The following PPP1R21 variants were observed in gnomAD, a reference collection of about 807,000 sequenced individuals.
The protein encoded by PPP1R21 is KLRAQ motif containing 1.
In PPP1R21, 85 loss-of-function variants were observed where a neutral mutation model predicts 112.8. The ratio of observed to expected loss-of-function variants is 0.75; its 90% CI spans 0.63 to 0.90. The LOEUF (loss-of-function observed/expected upper bound fraction) is 0.90. Ranked by LOEUF, PPP1R21 falls within the 40% of genes least tolerant of loss-of-function variation. The pLI is 0.00. For missense variants in PPP1R21, 1,199 were observed against 901.5 expected, an observed-to-expected ratio of 1.33 and a Z score of -4.23; for synonymous variants, 381 against 322.3, an observed-to-expected ratio of 1.18 and a Z score of -1.95.
rs1669954986 is a variant in PPP1R21 at position 48,498,566 on chromosome 2, C to G, written c.1766C>G (p.Ala589Gly). 6.2e-7 allele frequency: 1 copy of G among 1,614,016 alleles called. No homozygotes were observed. Among genetic ancestry groups the G allele is most frequent in the African/African-American group, 1.3e-5 (1 of 74,900 alleles). Residue 589 changes from alanine (A) to glycine (G), a missense_variant, in exon 17 of 22, where the codon GCC becomes GGC. By Grantham distance (60) the Ala-to-Gly change is moderately conservative. Coordinates refer to ENST00000294952, the MANE Select transcript of PPP1R21 (RefSeq NM_001135629.3). ...CATTGGATGTTGGAAGCACAATTAG[C>G]CAAAATCAAGCTAGAGAAAGAAAAC... ...KEHWMLEAQL[A>G]KIKLEKENQR...
At position 48,460,172 on chromosome 2, in the gene PPP1R21, T is replaced by G. The variant is rs372450431; in HGVS notation, c.599+19T>G. 4 of 1,613,492 alleles carry G rather than the reference T, an allele frequency of 2.5e-6. No homozygotes were observed. The African/African-American group carries it at 5.3e-5, about 22-fold the overall frequency. ...AAGAATGGTATGTGGAAACTTGAAT[T>G]CCAAGAGGGTTCTGAAGCAAGACTC... On this transcript the variant is annotated intron_variant, in intron 6 of 21. Transcript: ENST00000294952.
intron 9 of PPP1R21, 135 bp downstream of exon 9, chr2:48,465,777 C>A: frequency 1.5e-6 from 1 of 669,028 alleles, no homozygotes; most frequent in Non-Finnish European, 2.3e-6. Context: ...AGTTTTTACT[C>A]TCAAAATAAA....
intron 19 of PPP1R21, among the ~76,000 whole-genome samples, chr2:48,508,288 C>A (rs1322480272): frequency 1.3e-5 from 2 of 152,016 alleles, no homozygotes; most frequent in Non-Finnish European, 2.9e-5. Flanking sequence ...TTATGGATGG[C>A]AGATAGATGA....
In PPP1R21 at chr2:48,459,910, A is replaced by G; in HGVS notation, c.532A>G (p.Lys178Glu). ...TIEKLQNDKA[K>E]LEVKSQTLEK... ...TGAGAAGCTGCAGAACGACAAGGCT[A>G]AACTAGAAGTAAGCCCCATTGTGAG... The change falls in exon 5 of 22, where the codon AAA becomes GAA. Residue 178 changes from lysine (K) to glutamate (E), a missense_variant. Transcript: ENST00000294952. 6.2e-7 allele frequency: 1 copy of G among 1,613,654 alleles called. No individual in the cohort carries two copies. Among genetic ancestry groups the G allele is most frequent in the South Asian group, 1.1e-5 (1 of 90,984 alleles).
chr2:48,478,792 T>C (rs72872748), intron 12 of PPP1R21, among the ~76,000 whole-genome samples: 2,476 of 152,312 alleles, frequency 0.016, 77 homozygotes, highest in African/African-American at 0.057. Flanking sequence ...TTCTTCTTCA[T>C]TGCTTTTACC....
At chr2:48,475,623 A>T (rs1364513421) in intron 12 of PPP1R21, among the ~76,000 whole-genome samples, 1 of 152,088 alleles carries the variant, frequency 6.6e-6, no homozygotes, top group Non-Finnish European at 1.5e-5. Flanking sequence ...TGAGGTGGGC[A>T]GATCACCTGA....
At chr2:48,471,620 C>T (rs1668498876) in intron 11 of PPP1R21, among the ~76,000 whole-genome samples, 1 of 152,164 alleles carries the variant, frequency 6.6e-6, no homozygotes, top group East Asian at 1.9e-4. Context: ...CATCCCTTTG[C>T]AGTTAACACC....
chr2:48,493,154 C>T (rs576969755), intron 15 of PPP1R21, among the ~76,000 whole-genome samples: 58 of 151,688 alleles, frequency 3.8e-4, no homozygotes, highest in East Asian at 7.8e-4. Context: ...TACAGGTGCC[C>T]GCCACCACAC....
intron 18 of PPP1R21, among the ~76,000 whole-genome samples, chr2:48,506,359 G>C (rs908231489): frequency 2.0e-5 from 3 of 152,162 alleles, no homozygotes; most frequent in Non-Finnish European, 4.4e-5. Context: ...CTCCCAAAGT[G>C]CTGGGATTAC....
chr2:48,501,311 C>G (rs1670100546), intron 17 of PPP1R21, among the ~76,000 whole-genome samples: 1 of 152,202 alleles, frequency 6.6e-6, no homozygotes, highest in Non-Finnish European at 1.5e-5. Context: ...CTCCCCAGCT[C>G]CATTGCCTGT....
In PPP1R21 at chr2:48,498,742, GTCT is replaced by G; in HGVS notation, c.1935+12_1935+14del. On this transcript the variant is annotated splice_region_variant and intron_variant, in intron 17 of 21. Coordinates refer to ENST00000294952, the MANE Select transcript of PPP1R21 (RefSeq NM_001135629.3). ...CATTCAGAGCACCAGTCTAGTAAGT[GTCT>G]TCTTGGTTGTCCTCAGTTTTCTTTT... is the stretch of plus-strand genomic sequence containing the variant. 6.2e-7 allele frequency: 1 copy of G among 1,611,936 alleles called. No homozygotes were observed. The highest frequency in any genetic ancestry group is 1.1e-5 in the South Asian group (1 of 90,820).
At chr2:48,448,796 A>G (rs901411494) in intron 1 of PPP1R21, among the ~76,000 whole-genome samples, 1 of 152,250 alleles carries the variant, frequency 6.6e-6, no homozygotes, top group African/African-American at 2.4e-5. Flanking sequence ...CTTCTAGAGC[A>G]GAGTTTACCA....
At chr2:48,474,878 A>C (rs1668682099) in intron 12 of PPP1R21, 59 bp downstream of exon 12, 6 of 1,474,958 alleles carry the variant, frequency 4.1e-6, no homozygotes, top group Non-Finnish European at 5.6e-6. Flanking sequence ...AAGAAGCTGG[A>C]AAAGGGAGAT....
At chr2:48,477,830 A>G (rs1668827203) in intron 12 of PPP1R21, among the ~76,000 whole-genome samples, 1 of 152,094 alleles carries the variant, frequency 6.6e-6, no homozygotes, top group South Asian at 2.1e-4. Context: ...TGTGAGTTGA[A>G]TTGTGTCCCC....
At chr2:48,465,433 A>G in intron 8 of PPP1R21, 60 bp from the exon 9 acceptor site, 1 of 1,474,668 alleles carries the variant, frequency 6.8e-7, no homozygotes, top group East Asian at 2.3e-5. Flanking sequence ...AGACTCAATA[A>G]AGTTCTTTTA....
intron 14 of PPP1R21, among the ~76,000 whole-genome samples, chr2:48,488,779 T>C (rs1669427520): frequency 6.6e-6 from 1 of 152,248 alleles, no homozygotes; most frequent in Non-Finnish European, 1.5e-5. Flanking sequence ...TAATATTAAA[T>C]ACTTAGCTGA....
chr2:48,476,344 G>A (rs1489358752), intron 12 of PPP1R21, among the ~76,000 whole-genome samples: 5 of 152,030 alleles, frequency 3.3e-5, no homozygotes, highest in South Asian at 2.1e-4. Context: ...TTACTTACCC[G>A]TTTGTCATGT....
In PPP1R21 at chr2:48,454,651, T is replaced by C. The variant is rs754651300; in HGVS notation, c.183T>C (p.Ser61=). 69 of 1,613,682 alleles carry C rather than the reference T, an allele frequency of 4.3e-5. No individual in the cohort carries two copies. In the South Asian group the frequency reaches 7.2e-4, roughly 17 times the overall value. ...GAAAACTACAACAGGAAATGGACAG[T>C]TTGACATTTCGAAATCTGCAGCTTG... ...SLRKLQQEMD[S]LTFRNLQLAK... The change falls in exon 3 of 22, where the codon AGT becomes AGC. Residue 61 remains serine, a synonymous_variant. Coordinates refer to ENST00000294952, the MANE Select transcript of PPP1R21 (RefSeq NM_001135629.3).
At chr2:48,452,013 C>G (rs1277596487) in intron 2 of PPP1R21, among the ~76,000 whole-genome samples, 1 of 152,104 alleles carries the variant, frequency 6.6e-6, no homozygotes, top group Non-Finnish European at 1.5e-5. Flanking sequence ...TCTGAACACC[C>G]CACCCATACT....
Sources: gnomAD v4.1 joint callset for allele counts (sites outside exome capture counted in the v4.1 genomes callset) on GRCh38, gnomAD v4.1.1 for gene constraint, MANE v1.5 for transcripts, NCBI Gene and HGNC (gene_info 2026-07-23, HGNC 2026-07-21) for gene names.